DMD: variants seen among roughly 807,000 people sequenced by gnomAD.
The protein encoded by DMD is dystrophin, also known as mutant dystrophin.
A neutral mutation model predicts 330.1 loss-of-function variants in DMD; 63 were observed. The ratio of observed to expected loss-of-function variants is 0.19; its 90% CI spans 0.16 to 0.24. The LOEUF (loss-of-function observed/expected upper bound fraction) is 0.24. Among genes scored for constraint, DMD ranks in the 10% least tolerant of loss-of-function variants. DMD has a pLI of 1.00. For missense variants in DMD, 3,344 were observed against 2,684.1 expected (o/e 1.25, Z -5.43); for synonymous variants, 1,223 against 959.8 (o/e 1.27, Z -5.07).
chrX:33,330,206 C>T (rs188948566), intron 1 of DMD, among the ~76,000 whole-genome samples: 22 of 110,890 alleles, frequency 2.0e-4, no homozygotes, highest in Non-Finnish European at 3.4e-4. Context: ...CTGGATGATT[C>T]GATTCTTCAG....
intron 56 of DMD, among the ~76,000 whole-genome samples, chrX:31,505,613 C>T (rs1180075917): frequency 1.8e-5 from 2 of 110,313 alleles, no homozygotes; most frequent in Non-Finnish European, 3.8e-5. Context: ...AGTCAGACTC[C>T]CTGATTTCTT....
chrX:32,147,877 CTTTT>C (rs779461772), intron 44 of DMD, among the ~76,000 whole-genome samples: 2 of 87,964 alleles, frequency 2.3e-5, no homozygotes, highest in Non-Finnish European at 4.5e-5. Flanking sequence ...AAAATTTCTT[CTTTT>C]TTTTTTTTTT....
At chrX:31,660,311 A>G (rs1195717078) in intron 53 of DMD, among the ~76,000 whole-genome samples, 1 of 112,146 alleles carries the variant, frequency 8.9e-6, no homozygotes, top group African/African-American at 3.2e-5. Flanking sequence ...TCCTCGCACT[A>G]TTTGAAAGCC....
intron 60 of DMD, among the ~76,000 whole-genome samples, chrX:31,419,326 A>T (rs1043475466): frequency 1.9e-5 from 2 of 107,347 alleles, no homozygotes; most frequent in African/African-American, 6.8e-5. Flanking sequence ...TAGTTAGAAC[A>T]ATAGTTTTCA....
intron 9 of DMD, among the ~76,000 whole-genome samples, chrX:32,683,094 T>C (rs2062555928): frequency 8.9e-6 from 1 of 111,888 alleles, no homozygotes; most frequent in African/African-American, 3.3e-5. Flanking sequence ...AGTAACACAT[T>C]CTAACAGCAG....
intron 62 of DMD, among the ~76,000 whole-genome samples, chrX:31,281,070 T>C (rs754980031): frequency 2.7e-5 from 3 of 112,019 alleles, no homozygotes; most frequent in Non-Finnish European, 5.6e-5. Context: ...TAGTAATGAA[T>C]GGGCAAAACT....
In DMD at chrX:32,310,285, G is replaced by C; in HGVS notation, c.5923-9C>G. 3 of 1,202,152 alleles carry C rather than the reference G, an allele frequency of 2.5e-6. No homozygotes were observed. The highest frequency in any genetic ancestry group is 1.7e-5 in the African/African-American group (1 of 57,405). ...TCTTCACGGACAGTGTGCTGGTATA[G>C]ATATACAAAAGAACAATTTTTTTTA... On this transcript the variant is annotated splice_polypyrimidine_tract_variant and intron_variant, in intron 41 of 78. Transcript: ENST00000357033.
At chrX:31,476,201 T>C (rs2067726189) in intron 59 of DMD, among the ~76,000 whole-genome samples, 1 of 106,883 alleles carries the variant, frequency 9.4e-6, no homozygotes, top group South Asian at 4.2e-4. Context: ...ACAACAAAGA[T>C]AGGTAACATT....
chrX:31,254,015 A>G (rs765375444), intron 63 of DMD, among the ~76,000 whole-genome samples: 2 of 112,361 alleles, frequency 1.8e-5, no homozygotes, highest in Admixed American at 1.9e-4. Context: ...GAAGAACGCT[A>G]TAACTTAAGA....
chrX:31,644,152 C>T (rs138363842), intron 54 of DMD, among the ~76,000 whole-genome samples: 1,888 of 111,775 alleles, frequency 0.017, 27 homozygotes, highest in Non-Finnish European at 0.028. Context: ...TGGAGAGAAA[C>T]TTGCCTTTCC....
chrX:32,097,064 G>A (rs1310045734), intron 44 of DMD, among the ~76,000 whole-genome samples: 1 of 111,031 alleles, frequency 9.0e-6, no homozygotes, highest in Admixed American at 9.6e-5. Flanking sequence ...ATTTTTTTTG[G>A]ATCAGTATCT....
At chrX:32,605,218 A>C (rs944594612) in intron 12 of DMD, among the ~76,000 whole-genome samples, 2 of 110,716 alleles carry the variant, frequency 1.8e-5, no homozygotes, top group Non-Finnish European at 3.8e-5. Flanking sequence ...AGATTGATTT[A>C]ACCAAATTAA....
At chrX:33,120,682 A>AC (rs1409808338) in intron 1 of DMD, among the ~76,000 whole-genome samples, 1 of 110,136 alleles carries the variant, frequency 9.1e-6, no homozygotes, top group East Asian at 2.9e-4. Flanking sequence ...GGAGTTCAAG[A>AC]CCAGCCTGGC....
At chrX:31,293,203 T>G (rs1569519859) in intron 62 of DMD, among the ~76,000 whole-genome samples, 11 of 45,874 alleles carry the variant, frequency 2.4e-4, no homozygotes, top group African/African-American at 1.3e-3. Flanking sequence ...TAGTCTGGTT[T>G]AGTGTGTGTG....
chrX:31,687,786 T>C (rs2082787972), intron 52 of DMD, among the ~76,000 whole-genome samples: 1 of 112,131 alleles, frequency 8.9e-6, no homozygotes, highest in South Asian at 3.8e-4. Context: ...TGTTATTTGT[T>C]TCCTTTCTCT....
intron 9 of DMD, among the ~76,000 whole-genome samples, chrX:32,664,521 G>A (rs1399154531): frequency 2.7e-5 from 3 of 110,689 alleles, no homozygotes; most frequent in Non-Finnish European, 3.8e-5. Flanking sequence ...GATTACAGGC[G>A]TGAGCCACCG....
rs377587957 is a variant in DMD, at chrX:32,697,946, C to T, written c.884G>A (p.Arg295Gln). ...CTGTGTGTAGGCATAGCTCTTGAAT[C>T]GAGGCTTAGGGGAAGAAGTTCTCTC... is the stretch of plus-strand genomic sequence containing the variant. ...GYERTSSPKP[R>Q]FKSYAYTQAA... Residue 295 changes from arginine (R) to glutamine (Q), a missense_variant, in exon 9 of 79, where the codon CGA becomes CAA. Coordinates refer to ENST00000357033, the MANE Select transcript of DMD (RefSeq NM_004006.3). 1.8e-5 allele frequency: 22 copies of T among 1,203,113 alleles called. No individual in the cohort carries two copies. In the African/African-American group the frequency reaches 2.5e-4, roughly 14 times the overall value.
At chrX:32,841,655 G>C (rs998417587) in intron 4 of DMD, among the ~76,000 whole-genome samples, 1 of 111,675 alleles carries the variant, frequency 9.0e-6, no homozygotes, top group African/African-American at 3.3e-5. Flanking sequence ...AATAAATACT[G>C]AGTCTTAACC....
chrX:31,367,193 G>A (rs1176436705), intron 60 of DMD, among the ~76,000 whole-genome samples: 3 of 111,005 alleles, frequency 2.7e-5, no homozygotes, highest in East Asian at 2.8e-4. Flanking sequence ...TAAAATAACC[G>A]GGGGAAAATC....
Sources: allele counts gnomAD v4.1 joint callset (sites outside exome capture counted in the v4.1 genomes callset), GRCh38; gene constraint gnomAD v4.1.1; transcripts MANE v1.5; gene names NCBI Gene and HGNC (gene_info 2026-07-23, HGNC 2026-07-21).